The following CBFA2T2 variants were observed in gnomAD, a reference collection of about 807,000 sequenced individuals.
CBFA2T2 encodes the protein protein CBFA2T2.
In CBFA2T2, 11 loss-of-function variants were observed where a neutral mutation model predicts 62.2. The ratio of observed to expected loss-of-function variants is 0.18; its 90% CI spans 0.11 to 0.29. The LOEUF (loss-of-function observed/expected upper bound fraction) is 0.29, where lower values mean the gene tolerates loss of function less well. Among genes scored for constraint, CBFA2T2 ranks in the 10% least tolerant of loss-of-function variants. The pLI is 1.00. For synonymous variants in CBFA2T2, 295 were observed against 287.5 expected (o/e 1.03, Z -0.27); for missense variants, 592 against 774.1 (o/e 0.76, Z 2.79).
At chr20:33,584,718 G>A (rs1476945181) in intron 1 of CBFA2T2, among the ~76,000 whole-genome samples, 2 of 152,122 alleles carry the variant, frequency 1.3e-5, no homozygotes, top group Non-Finnish European at 2.9e-5. Context: ...GTAAAATGGT[G>A]TGCAGTTTAG....
intron 9 of CBFA2T2, 59 bp from the exon 10 acceptor site, chr20:33,640,282 C>A: frequency 6.7e-7 from 1 of 1,481,868 alleles, no homozygotes; most frequent in Non-Finnish European, 9.2e-7. Flanking sequence ...TTAGAATTGC[C>A]GTGGGATGGG....
chr20:33,544,935 T>C (rs1001643485), intron 1 of CBFA2T2, among the ~76,000 whole-genome samples: 7 of 141,700 alleles, frequency 4.9e-5, no homozygotes, highest in Non-Finnish European at 7.6e-5. Flanking sequence ...CATGAGTGAA[T>C]AGAATAGAAC....
chr20:33,542,040 A>T (rs73119149), intron 1 of CBFA2T2, among the ~76,000 whole-genome samples: 21,895 of 152,104 alleles, frequency 0.14, 2,045 homozygotes, highest in East Asian at 0.4. Flanking sequence ...CACTACACCT[A>T]GCAGTTTTCT....
intron 3 of CBFA2T2, among the ~76,000 whole-genome samples, chr20:33,614,011 C>T (rs1286240296): frequency 2.0e-5 from 3 of 151,742 alleles, no homozygotes; most frequent in Non-Finnish European, 4.4e-5. Flanking sequence ...AGTGAAACCC[C>T]ATCTCTACTA....
chr20:33,516,817 A>G (rs1178731923), intron 1 of CBFA2T2, among the ~76,000 whole-genome samples: 1 of 152,222 alleles, frequency 6.6e-6, no homozygotes, highest in East Asian at 1.9e-4. Context: ...TGCAGTTTTT[A>G]TAATTTACAG....
At chr20:33,550,256 T>C (rs2012701568) in intron 1 of CBFA2T2, among the ~76,000 whole-genome samples, 1 of 152,180 alleles carries the variant, frequency 6.6e-6, no homozygotes, top group Non-Finnish European at 1.5e-5. Context: ...ATTAGCAAAG[T>C]AGTCTTGAAA....
intron 1 of CBFA2T2, among the ~76,000 whole-genome samples, chr20:33,535,555 CTTCT>C (rs1226745742): frequency 6.7e-6 from 1 of 149,386 alleles, no homozygotes; most frequent in East Asian, 1.9e-4. Context: ...CAGGAGAAGG[CTTCT>C]TTGTTAGGCC....
At chr20:33,503,213 C>T (rs916861469) in intron 1 of CBFA2T2, among the ~76,000 whole-genome samples, 1 of 149,168 alleles carries the variant, frequency 6.7e-6, no homozygotes, top group Non-Finnish European at 1.5e-5. Flanking sequence ...CATACATATA[C>T]ACATATCAAA....
At chr20:33,588,695 C>A (rs575435182) in intron 1 of CBFA2T2, among the ~76,000 whole-genome samples, 49 of 152,190 alleles carry the variant, frequency 3.2e-4, no homozygotes, top group African/African-American at 1.0e-3. Context: ...GCCTGTAATC[C>A]CAGCACTTTG....
intron 1 of CBFA2T2, among the ~76,000 whole-genome samples, chr20:33,539,847 TG>T (rs1948409433): frequency 6.6e-6 from 1 of 151,978 alleles, no homozygotes; most frequent in Non-Finnish European, 1.5e-5. Flanking sequence ...CCACCATGCC[TG>T]GATAATTTTT....
At chr20:33,594,002 CT>C (rs2014779391) in intron 1 of CBFA2T2, among the ~76,000 whole-genome samples, 1 of 152,110 alleles carries the variant, frequency 6.6e-6, no homozygotes, top group South Asian at 2.1e-4. Flanking sequence ...GAGTTCAGGT[CT>C]GTGGGAAGAT....
intron 1 of CBFA2T2, among the ~76,000 whole-genome samples, chr20:33,563,450 C>T (rs6119389): frequency 6.6e-6 from 1 of 152,108 alleles, no homozygotes; most frequent in Admixed American, 6.5e-5. Context: ...TCAAGTGATC[C>T]TTCTGCCTCA....
intron 6 of CBFA2T2, among the ~76,000 whole-genome samples, chr20:33,627,948 G>A (rs1461722557): frequency 6.6e-6 from 1 of 152,106 alleles, no homozygotes; most frequent in Non-Finnish European, 1.5e-5. Context: ...ATAATATTAA[G>A]CTGTTTCCAA....
At chr20:33,579,243 T>A (rs185946183) in intron 1 of CBFA2T2, among the ~76,000 whole-genome samples, 322 of 152,048 alleles carry the variant, frequency 2.1e-3, no homozygotes, top group Admixed American at 4.6e-3. Flanking sequence ...CAATTTTTTT[T>A]AAAATTTAGC....
intron 1 of CBFA2T2, among the ~76,000 whole-genome samples, chr20:33,599,270 A>C (rs1387650271): frequency 6.6e-6 from 1 of 152,140 alleles, no homozygotes; most frequent in African/African-American, 2.4e-5. Flanking sequence ...AAGAGAAAAA[A>C]AAAACCTGTG....
At chr20:33,579,384 G>A (rs2146911909) in intron 1 of CBFA2T2, among the ~76,000 whole-genome samples, 1 of 151,952 alleles carries the variant, frequency 6.6e-6, no homozygotes, top group Admixed American at 6.6e-5. Flanking sequence ...TTTTCTTAAT[G>A]GTGTCTTTTG....
At chr20:33,642,112 T>TGTGTG (rs1555851358) in intron 10 of CBFA2T2, among the ~76,000 whole-genome samples, 6 of 74,618 alleles carry the variant, frequency 8.0e-5, no homozygotes, top group Admixed American at 6.3e-4. Flanking sequence ...TGTCTTTTTT[T>TGTGTG]TTTTTGTGTG....
intron 10 of CBFA2T2, among the ~76,000 whole-genome samples, chr20:33,642,112 TTTTTTGTGTGTGTGTGTGTG>T (rs1427034856): frequency 4.0e-5 from 3 of 74,612 alleles, no homozygotes; most frequent in African/African-American, 1.0e-4. Context: ...TGTCTTTTTT[TTTTTTGTGTGTGTGTGTGTG>T]TGTGTGTGTG....
At chr20:33,580,204 A>C (rs920131916) in intron 1 of CBFA2T2, among the ~76,000 whole-genome samples, 1 of 152,010 alleles carries the variant, frequency 6.6e-6, no homozygotes, top group Admixed American at 6.6e-5. Context: ...TAGGCGTGTA[A>C]ATTTTTAAAT....
Sources: gnomAD v4.1 joint callset for allele counts (sites outside exome capture counted in the v4.1 genomes callset) on GRCh38, gnomAD v4.1.1 for gene constraint, MANE v1.5 for transcripts, NCBI Gene and HGNC (gene_info 2026-07-23, HGNC 2026-07-21) for gene names.